Variants in CSMD1 observed in about 807,000 individuals in gnomAD.
CSMD1 encodes the protein CUB and sushi domain-containing protein 1.
Under a neutral mutation model 417.5 loss-of-function variants are expected in CSMD1, and 213 were observed. That is an observed-to-expected ratio of 0.51 (90% CI 0.46 to 0.57). CSMD1 has a LOEUF of 0.57. Among genes scored for constraint, CSMD1 ranks in the 20% least tolerant of loss-of-function variants. CSMD1 has a pLI of 0.00. For missense variants in CSMD1, 6,923 were observed against 4,529.7 expected, an observed-to-expected ratio of 1.53 and a Z score of -15.17; for synonymous variants, 2,862 against 1,736.8, an observed-to-expected ratio of 1.65 and a Z score of -16.11.
At chr8:3,568,343 T>G (rs1172547352) in intron 10 of CSMD1, among the ~76,000 whole-genome samples, 1 of 152,164 alleles carries the variant, frequency 6.6e-6, no homozygotes, top group Non-Finnish European at 1.5e-5. Context: ...TGAGTAATAT[T>G]TCATTGTGCT....
chr8:4,418,425 T>G (rs1008726736), intron 3 of CSMD1, among the ~76,000 whole-genome samples: 1 of 152,162 alleles, frequency 6.6e-6, no homozygotes, highest in East Asian at 1.9e-4. Flanking sequence ...GAATTATTCA[T>G]ATAGTGATTT....
chr8:4,630,315 T>G (rs942329215), intron 2 of CSMD1, among the ~76,000 whole-genome samples: 1 of 151,452 alleles, frequency 6.6e-6, no homozygotes, highest in African/African-American at 2.4e-5. Flanking sequence ...CTCTCACAGT[T>G]GTTGTCAACT....
chr8:3,677,138 C>T (rs1444872067), intron 7 of CSMD1, among the ~76,000 whole-genome samples: 3 of 152,018 alleles, frequency 2.0e-5, no homozygotes, highest in Non-Finnish European at 1.5e-5. Flanking sequence ...CCTGCACATT[C>T]TGCACATGTA....
intron 8 of CSMD1, among the ~76,000 whole-genome samples, chr8:3,603,792 AG>A (rs1340015736): frequency 6.6e-6 from 1 of 152,216 alleles, no homozygotes; most frequent in Non-Finnish European, 1.5e-5. Context: ...TAAATTTTTT[AG>A]TTGATGGGAA....
At chr8:4,068,606 T>C (rs1023465423) in intron 3 of CSMD1, among the ~76,000 whole-genome samples, 1 of 152,158 alleles carries the variant, frequency 6.6e-6, no homozygotes, top group African/African-American at 2.4e-5. Flanking sequence ...GCAGAAAACA[T>C]ATCTAGTTCA....
Position 3,188,904 on chromosome 8 carries a change from C to T in CSMD1, c.5506G>A (p.Glu1836Lys). The T allele has an allele frequency of 6.3e-7, 1 of 1,583,364 alleles. No homozygotes were observed. Among genetic ancestry groups the T allele is most frequent in the African/African-American group, 1.3e-5 (1 of 74,400 alleles). The change falls in exon 35 of 70, where the codon GAG (glutamate) becomes AAG (lysine). Residue 1836 changes from glutamate to lysine, a missense_variant. Transcript: ENST00000635120. ...LNCIWKIIVTEGSGIQIQVIS... is the reference protein window; with the variant it reads ...LNCIWKIIVTKGSGIQIQVIS... Reference sequence around the variant, plus strand: ...GGACTCACCTGAATTCCCGAGCCCTCCGTAACTATGATCTTCCATATACAG... The same window carrying T: ...GGACTCACCTGAATTCCCGAGCCCTTCGTAACTATGATCTTCCATATACAG...
At chr8:3,396,852 A>T (rs1011708068) in intron 16 of CSMD1, among the ~76,000 whole-genome samples, 1 of 152,172 alleles carries the variant, frequency 6.6e-6, no homozygotes, top group African/African-American at 2.4e-5. Context: ...GATCATTAAA[A>T]ATGTGTGATG....
At chr8:3,913,711 C>A (rs933982462) in intron 5 of CSMD1, among the ~76,000 whole-genome samples, 6 of 152,080 alleles carry the variant, frequency 3.9e-5, no homozygotes, top group African/African-American at 1.4e-4. Flanking sequence ...TAGATGGAAG[C>A]ATGCAGGGAA....
intron 52 of CSMD1, among the ~76,000 whole-genome samples, chr8:3,009,366 T>A (rs1808208474): frequency 6.6e-6 from 1 of 152,210 alleles, no homozygotes; most frequent in African/African-American, 2.4e-5. Context: ...TAAAATACAT[T>A]ACAAATATCC....
chr8:3,715,867 A>G (rs893475960), intron 6 of CSMD1, among the ~76,000 whole-genome samples: 3 of 152,158 alleles, frequency 2.0e-5, no homozygotes, highest in African/African-American at 7.2e-5. Context: ...TAAAAGGCAC[A>G]CGGCCTGCAG....
intron 2 of CSMD1, among the ~76,000 whole-genome samples, chr8:4,429,544 C>G (rs547533166): frequency 6.6e-6 from 1 of 152,170 alleles, no homozygotes; most frequent in African/African-American, 2.4e-5. Context: ...ATTGCAAAAG[C>G]GTGAGACTCA....
In CSMD1 at chr8:3,009,082, C is replaced by T. The variant is rs673180; in HGVS notation, c.8030-8951G>A. Among the ~76,000 whole-genome samples, 6 of 152,224 alleles carry T rather than the reference C, an allele frequency of 3.9e-5. No individual in the cohort carries two copies. In the East Asian group the frequency reaches 5.8e-4, roughly 15 times the overall value. On this transcript the variant is annotated intron_variant, in intron 52 of 69. Coordinates refer to ENST00000635120, the MANE Select transcript of CSMD1 (RefSeq NM_033225.6). ...GTTGCCACAATGTCTCCCATGACAGCGGACAGACCTGGAGCCGTGCATTCT... is the reference window on the plus strand; with the variant it reads ...GTTGCCACAATGTCTCCCATGACAGTGGACAGACCTGGAGCCGTGCATTCT...
chr8:4,301,013 T>C (rs953333994), intron 3 of CSMD1, among the ~76,000 whole-genome samples: 4 of 152,174 alleles, frequency 2.6e-5, no homozygotes, highest in South Asian at 2.1e-4. Flanking sequence ...TGTGTCTTTA[T>C]AGCAGCATGA....
intron 6 of CSMD1, among the ~76,000 whole-genome samples, chr8:3,720,758 A>G (rs1469753234): frequency 6.6e-6 from 1 of 152,146 alleles, no homozygotes; most frequent in Non-Finnish European, 1.5e-5. Flanking sequence ...GCAAAGCTGT[A>G]ACACCTTCAG....
rs755489978 is a variant in CSMD1, at chr8:4,268,069, G to A, written c.415+151884C>T. Among the ~76,000 whole-genome samples, 11 of 151,938 alleles carry A rather than the reference G, an allele frequency of 7.2e-5. No homozygotes were observed. In the East Asian group the frequency reaches 9.6e-4, roughly 13 times the overall value. ...GTGTGTTCACAATTTCAAAATCCTC[G>A]CAATCCACAAATTGAAACATTGTTA... On this transcript the variant is annotated intron_variant, in intron 3 of 69. Coordinates refer to ENST00000635120, the MANE Select transcript of CSMD1 (RefSeq NM_033225.6).
rs112001283 is a variant in CSMD1, at chr8:4,072,183, G to A, written c.416-40084C>T. On this transcript the variant is annotated intron_variant, in intron 3 of 69. Coordinates refer to ENST00000635120, the MANE Select transcript of CSMD1 (RefSeq NM_033225.6). ...TTTCTAGTGCTACTAGTTTCCAGGT[G>A]TTTTTCTGTTTTACGTATTTATTTT... Among the ~76,000 whole-genome samples, 525 of 152,258 alleles carry A rather than the reference G, an allele frequency of 3.4e-3. 3 individuals are homozygous for A. The highest frequency in any genetic ancestry group is 5.5e-3 in the Admixed American group (84 of 15,302).
intron 1 of CSMD1, among the ~76,000 whole-genome samples, chr8:4,768,123 T>C (rs1585068201): frequency 6.6e-6 from 1 of 151,778 alleles, no homozygotes; most frequent in African/African-American, 2.4e-5. Flanking sequence ...TAAAAGAAAA[T>C]TATAAACAGA....
chr8:4,260,845 T>C (rs761152354), intron 3 of CSMD1, among the ~76,000 whole-genome samples: 2 of 152,186 alleles, frequency 1.3e-5, no homozygotes, highest in Non-Finnish European at 2.9e-5. Flanking sequence ...TCTCCAATAA[T>C]TGTTTTTTGT....
chr8:3,445,641 G>C (rs1344851443), intron 12 of CSMD1, among the ~76,000 whole-genome samples: 1 of 152,136 alleles, frequency 6.6e-6, no homozygotes, highest in Non-Finnish European at 1.5e-5. Context: ...TTGGGAGACA[G>C]CTGTAATAAC....
Sources: gnomAD v4.1 joint callset for allele counts (sites outside exome capture counted in the v4.1 genomes callset) on GRCh38, gnomAD v4.1.1 for gene constraint, MANE v1.5 for transcripts, NCBI Gene and HGNC (gene_info 2026-07-23, HGNC 2026-07-21) for gene names.